The following MRLN variants were observed in gnomAD, a reference collection of about 807,000 sequenced individuals.
MRLN encodes the protein Linc-RNA activator of myogenesis.
Position 59,742,199 on chromosome 10 carries a change from A to C in MRLN, c.-124-3637T>G, listed in dbSNP as rs183121386. 5.0e-3 allele frequency among the ~76,000 whole-genome samples: 756 copies of C among 152,324 alleles called. 4 individuals carry two copies. Among genetic ancestry groups the C allele is most frequent in the Middle Eastern group, 0.014 (4 of 294 alleles). On this transcript the variant is annotated intron_variant, in intron 1 of 2. Transcript: ENST00000414264. ...TTAAATGCCATTAGTACACGGATAA[A>C]TTGTGGCATAGTCATATAATGGAAT...
rs1840932566 is a variant in MRLN at position 59,737,086 on chromosome 10, T to C, written c.115A>G (p.Ile39Val). The C allele has an allele frequency of 2.5e-6, 1 of 397,434 alleles. No individual in the cohort carries two copies. The highest frequency in any genetic ancestry group is 2.1e-5 in the African/African-American group (1 of 48,572). 24.6% of individuals were successfully genotyped at this position (397,434 alleles called of 1,614,324 possible). The change falls in exon 3 of 3, where the codon ATT becomes GTT. Residue 39 changes from isoleucine (I) to valine (V), a missense_variant. Physicochemically the swap from Ile to Val is conservative, Grantham distance 29. Transcript: ENST00000414264. ...TAAGAAGTTATCACAACATATATAATAGAAATTAAGTCAACAAAGATAACA... is the reference window on the plus strand; with the variant it reads ...TAAGAAGTTATCACAACATATATAACAGAAATTAAGTCAACAAAGATAACA... ...LFVIFVDLIS[I>V]IYVVITS is the part of the protein sequence containing the mutation.
At chr10:59,743,744 C>A (rs977836032) in intron 1 of MRLN, among the ~76,000 whole-genome samples, 1 of 152,156 alleles carries the variant, frequency 6.6e-6, no homozygotes, top group Non-Finnish European at 1.5e-5. Flanking sequence ...GCTGCCATCT[C>A]GACTCACTGC....
intron 1 of MRLN, among the ~76,000 whole-genome samples, chr10:59,748,062 A>G (rs1220452704): frequency 2.0e-5 from 3 of 151,868 alleles, no homozygotes; most frequent in Non-Finnish European, 4.4e-5. Context: ...ATCATATGAG[A>G]ACTATGTCTT....
At chr10:59,745,368 C>T (rs897189942) in intron 1 of MRLN, among the ~76,000 whole-genome samples, 16 of 152,062 alleles carry the variant, frequency 1.1e-4, no homozygotes, top group African/African-American at 2.4e-4. Context: ...TTATCTCCAA[C>T]GTAATGTTTT....
intron 1 of MRLN, among the ~76,000 whole-genome samples, chr10:59,751,739 T>G (rs561386220): frequency 6.6e-6 from 1 of 151,730 alleles, no homozygotes; most frequent in East Asian, 1.9e-4. Context: ...CATTCTGACT[T>G]TTATAGACCC....
chr10:59,742,335 G>A (rs1205117257), intron 1 of MRLN, among the ~76,000 whole-genome samples: 1 of 152,120 alleles, frequency 6.6e-6, no homozygotes, highest in Non-Finnish European at 1.5e-5. Flanking sequence ...AATAAAGATA[G>A]CATTGAATTT....
intron 1 of MRLN, among the ~76,000 whole-genome samples, chr10:59,749,648 C>T (rs775243774): frequency 2.0e-5 from 3 of 151,620 alleles, no homozygotes; most frequent in African/African-American, 7.3e-5. Flanking sequence ...GAACCGAGAT[C>T]GTGCCACTAA....
intron 1 of MRLN, among the ~76,000 whole-genome samples, chr10:59,749,629 G>A (rs1373716966): frequency 6.6e-6 from 1 of 152,014 alleles, no homozygotes; most frequent in Admixed American, 6.6e-5. Flanking sequence ...GGCAGGCAGA[G>A]GTTGCAGTGA....
intron 1 of MRLN, among the ~76,000 whole-genome samples, chr10:59,751,624 C>A (rs1317796758): frequency 1.6e-5 from 2 of 128,980 alleles, no homozygotes; most frequent in Non-Finnish European, 3.1e-5. Flanking sequence ...GAGGTGATAT[C>A]AAGCCACTGC....
chr10:59,742,202 G>A (rs1840991197), intron 1 of MRLN, among the ~76,000 whole-genome samples: 1 of 152,152 alleles, frequency 6.6e-6, no homozygotes, highest in South Asian at 2.1e-4. Context: ...CGGATAAATT[G>A]TGGCATAGTC....
intron 1 of MRLN, among the ~76,000 whole-genome samples, chr10:59,749,675 CA>C (rs534653314): frequency 2.9e-4 from 42 of 142,610 alleles, no homozygotes; most frequent in Non-Finnish European, 1.7e-4. Flanking sequence ...GCCTGGGTCT[CA>C]AAAAAAAAAC....
chr10:59,744,075 CG>C (rs1220406291), intron 1 of MRLN: 1 of 173,504 alleles, frequency 5.8e-6, no homozygotes, highest in African/African-American at 2.4e-5. Flanking sequence ...AGCCTCTGCC[CG>C]GCCGCCACCC....
chr10:59,743,713 C>G (rs1164509601), intron 1 of MRLN, among the ~76,000 whole-genome samples: 1 of 152,134 alleles, frequency 6.6e-6, no homozygotes, highest in Non-Finnish European at 1.5e-5. Flanking sequence ...CTCTGATGCC[C>G]AGCCGAGGCT....
At chr10:59,752,797 G>A (rs2070172444) in intron 1 of MRLN, among the ~76,000 whole-genome samples, 2 of 142,958 alleles carry the variant, frequency 1.4e-5, no homozygotes, top group East Asian at 2.2e-4. Context: ...AAAGAAGGCT[G>A]CAAAGACAAA....
At position 59,750,260 on chromosome 10, in the gene MRLN, A is replaced by G. The variant is rs1276475143; in HGVS notation, c.-125+3094T>C. Among the ~76,000 whole-genome samples the G allele has an allele frequency of 3.3e-5, 5 of 151,558 alleles. No homozygotes were observed. The East Asian group carries it at 9.8e-4, about 30-fold the overall frequency. Reference sequence around the variant, plus strand: ...TAATTTTTGTATTTTTAGTAGAGACAGGGTTTCACCATGTTGGACAGGCTG... The same window carrying G: ...TAATTTTTGTATTTTTAGTAGAGACGGGGTTTCACCATGTTGGACAGGCTG... On this transcript the variant is annotated intron_variant, in intron 1 of 2. Transcript: ENST00000414264.
chr10:59,744,595 C>G (rs534978655), intron 1 of MRLN, among the ~76,000 whole-genome samples: 315 of 152,270 alleles, frequency 2.1e-3, no homozygotes, highest in African/African-American at 7.4e-3. Context: ...CAGCCGCCAC[C>G]CGGTCTGGGA....
intron 1 of MRLN, among the ~76,000 whole-genome samples, chr10:59,752,400 G>T (rs1009968894): frequency 6.6e-6 from 1 of 152,144 alleles, no homozygotes; most frequent in Non-Finnish European, 1.5e-5. Context: ...ACCCCACCAC[G>T]TTGTAAAAGA....
chr10:59,741,137 GA>G (rs1239028054), intron 1 of MRLN, among the ~76,000 whole-genome samples: 6 of 151,684 alleles, frequency 4.0e-5, no homozygotes, highest in African/African-American at 1.2e-4. Context: ...ACTGATGAAA[GA>G]AAAAAATGAT....
chr10:59,742,336 C>T (rs2132588918), intron 1 of MRLN, among the ~76,000 whole-genome samples: 1 of 152,122 alleles, frequency 6.6e-6, no homozygotes, highest in South Asian at 2.1e-4. Context: ...ATAAAGATAG[C>T]ATTGAATTTT....
Sources: allele counts gnomAD v4.1 joint callset (sites outside exome capture counted in the v4.1 genomes callset), GRCh38; gene constraint gnomAD v4.1.1; transcripts MANE v1.5; gene names NCBI Gene and HGNC (gene_info 2026-07-23, HGNC 2026-07-21).